CTNNA3: variants seen among roughly 807,000 people sequenced by gnomAD.
CTNNA3 encodes the protein catenin alpha 3, also known as catenin alpha-3.
Under a neutral mutation model 95.7 loss-of-function variants are expected in CTNNA3, and 76 were observed. That is an observed-to-expected ratio of 0.79 (90% CI 0.66 to 0.96). The LOEUF is 0.96. Among genes scored for constraint, CTNNA3 ranks in the 40% least tolerant of loss-of-function variants. The pLI is 0.00. For synonymous variants in CTNNA3, 431 were observed against 374.4 expected, an observed-to-expected ratio of 1.15 and a Z score of -1.74; for missense variants, 1,191 against 1,089.8, an observed-to-expected ratio of 1.09 and a Z score of -1.31.
At chr10:66,232,413 G>A (rs2132013826) in intron 13 of CTNNA3, among the ~76,000 whole-genome samples, 1 of 151,970 alleles carries the variant, frequency 6.6e-6, no homozygotes, top group East Asian at 1.9e-4. Context: ...TAAAATTTAA[G>A]TAATTTAAAA....
chr10:66,347,408 C>T (rs112626819), intron 12 of CTNNA3, among the ~76,000 whole-genome samples: 15 of 151,896 alleles, frequency 9.9e-5, no homozygotes, highest in Non-Finnish European at 1.5e-4. Context: ...GCCAGGAGTT[C>T]AAGACCAGCT....
At position 66,883,356 on chromosome 10, in the gene CTNNA3, G is replaced by A. The variant is rs139789368; in HGVS notation, c.1048-107832C>T. Reference sequence around the variant, plus strand: ...GAAGAAAGCAAGTCTTTGGACTGAGGAGAGCTCTGATAAAAATGTCACTTC... The same window carrying A: ...GAAGAAAGCAAGTCTTTGGACTGAGAAGAGCTCTGATAAAAATGTCACTTC... On this transcript the variant is annotated intron_variant, in intron 7 of 17. Transcript: ENST00000433211. 2.9e-3 allele frequency among the ~76,000 whole-genome samples: 434 copies of A among 152,154 alleles called. 1 individual carries two copies. Among genetic ancestry groups the A allele is most frequent in the African/African-American group, 9.9e-3 (409 of 41,516 alleles).
At chr10:67,693,401 C>G (rs1840906158) in intron 1 of CTNNA3, among the ~76,000 whole-genome samples, 1 of 152,158 alleles carries the variant, frequency 6.6e-6, no homozygotes, top group Non-Finnish European at 1.5e-5. Flanking sequence ...AGCCAATGAT[C>G]CATAAATAAA....
chr10:66,403,842 C>G (rs1230908879), intron 11 of CTNNA3, among the ~76,000 whole-genome samples: 1 of 152,142 alleles, frequency 6.6e-6, no homozygotes, highest in Non-Finnish European at 1.5e-5. Context: ...GGGCATCAGC[C>G]AAGCTAACTT....
Position 67,093,622 on chromosome 10 carries a change from CA to C in CTNNA3, c.1047+86694del, listed in dbSNP as rs1564886091. 1.3e-5 allele frequency among the ~76,000 whole-genome samples: 2 copies of C among 151,592 alleles called. 1 individual carries two copies. Among genetic ancestry groups the C allele is most frequent in the Non-Finnish European group, 2.9e-5 (2 of 67,852 alleles). ...AGCCTCTCCATTACTACCCAGCGAC[CA>C]GTCATTTTTTGGTGCAAGGACATAC... On this transcript the variant is annotated intron_variant, in intron 7 of 17. Transcript: ENST00000433211.
At chr10:66,857,792 A>G (rs1377133733) in intron 7 of CTNNA3, among the ~76,000 whole-genome samples, 1 of 152,016 alleles carries the variant, frequency 6.6e-6, no homozygotes, top group Non-Finnish European at 1.5e-5. Context: ...TATCAGATCA[A>G]GAAGCTTCTG....
chr10:66,279,946 T>A (rs919133653), intron 13 of CTNNA3, among the ~76,000 whole-genome samples: 1 of 151,992 alleles, frequency 6.6e-6, no homozygotes, highest in Non-Finnish European at 1.5e-5. Context: ...GGAATATATG[T>A]CCCCAAACAG....
intron 7 of CTNNA3, among the ~76,000 whole-genome samples, chr10:67,000,230 T>A (rs1159962249): frequency 6.6e-6 from 1 of 152,174 alleles, no homozygotes; most frequent in Non-Finnish European, 1.5e-5. Context: ...GATAAATTAC[T>A]AAGTGCTGCA....
intron 7 of CTNNA3, among the ~76,000 whole-genome samples, chr10:67,080,877 C>G (rs1403234401): frequency 6.6e-6 from 1 of 150,940 alleles, no homozygotes; most frequent in Non-Finnish European, 1.5e-5. Context: ...CCACTGCACT[C>G]CAGCCTGGGC....
At chr10:67,504,281 T>C (rs1403680826) in intron 5 of CTNNA3, among the ~76,000 whole-genome samples, 1 of 148,904 alleles carries the variant, frequency 6.7e-6, no homozygotes, top group Non-Finnish European at 1.5e-5. Flanking sequence ...TGAAACCCCA[T>C]CTCTACTAAA....
At chr10:67,031,361 A>T (rs1853714818) in intron 7 of CTNNA3, among the ~76,000 whole-genome samples, 1 of 152,202 alleles carries the variant, frequency 6.6e-6, no homozygotes, top group Non-Finnish European at 1.5e-5. Context: ...AGAAAAAATC[A>T]GTGTCAGATC....
intron 7 of CTNNA3, among the ~76,000 whole-genome samples, chr10:67,032,514 T>G (rs1016457561): frequency 6.6e-6 from 1 of 152,180 alleles, no homozygotes; most frequent in African/African-American, 2.4e-5. Flanking sequence ...AATGAGAAGA[T>G]ATCACAAATC....
At chr10:67,694,180 CT>C (rs1840919956) in intron 1 of CTNNA3, among the ~76,000 whole-genome samples, 1 of 152,154 alleles carries the variant, frequency 6.6e-6, no homozygotes, top group Non-Finnish European at 1.5e-5. Context: ...ACAATACTAT[CT>C]ATCGGTTTCA....
chr10:66,718,301 C>A (rs966619586), intron 9 of CTNNA3, among the ~76,000 whole-genome samples: 1 of 152,008 alleles, frequency 6.6e-6, no homozygotes, highest in Non-Finnish European at 1.5e-5. Context: ...TGAGTTCCCC[C>A]GGCATCAGTC....
intron 7 of CTNNA3, among the ~76,000 whole-genome samples, chr10:67,166,735 C>A (rs1861784677): frequency 6.6e-6 from 1 of 152,166 alleles, no homozygotes; most frequent in Admixed American, 6.5e-5. Context: ...AAAGTAAAGT[C>A]TTTGCCTAAA....
At chr10:66,953,671 T>C (rs1848651460) in intron 7 of CTNNA3, among the ~76,000 whole-genome samples, 1 of 152,180 alleles carries the variant, frequency 6.6e-6, no homozygotes. Flanking sequence ...ATTTTCTACA[T>C]AATAATTTTA....
At chr10:66,139,564 G>C (rs1475908940) in intron 13 of CTNNA3, among the ~76,000 whole-genome samples, 5 of 152,110 alleles carry the variant, frequency 3.3e-5, no homozygotes, top group Non-Finnish European at 7.3e-5. Flanking sequence ...TTGCTTTCTA[G>C]GTTTTACAAG....
At chr10:66,567,619 G>A (rs376133177) in intron 10 of CTNNA3, among the ~76,000 whole-genome samples, 15 of 151,784 alleles carry the variant, frequency 9.9e-5, no homozygotes, top group East Asian at 1.9e-4. Flanking sequence ...TCTCTGTCTC[G>A]GGGAAAAAAT....
chr10:66,042,803 G>A (rs894217081), intron 15 of CTNNA3, among the ~76,000 whole-genome samples: 23 of 146,416 alleles, frequency 1.6e-4, no homozygotes, highest in Non-Finnish European at 2.8e-4. Context: ...GGCAGGCTGA[G>A]GCAAGAGAAT....
Sources: gnomAD v4.1 joint callset for allele counts (sites outside exome capture counted in the v4.1 genomes callset) on GRCh38, gnomAD v4.1.1 for gene constraint, MANE v1.5 for transcripts, NCBI Gene and HGNC (gene_info 2026-07-23, HGNC 2026-07-21) for gene names.